The following HKDC1 variants were observed in gnomAD, a reference collection of about 807,000 sequenced individuals.
The protein encoded by HKDC1 is hexokinase domain containing 1.
In HKDC1, 66 loss-of-function variants were observed where a neutral mutation model predicts 96.6. The observed-to-expected ratio is 0.68, with a 90% CI of 0.56 to 0.84. The LOEUF is 0.84. Among genes scored for constraint, HKDC1 ranks in the 40% least tolerant of loss-of-function variants. HKDC1 has a pLI of 0.00. For synonymous variants in HKDC1, 466 were observed against 473.1 expected (o/e 0.98, Z 0.20); for missense variants, 1,211 against 1,208.1 (o/e 1.00, Z -0.04).
intron 2 of HKDC1, among the ~76,000 whole-genome samples, chr10:69,229,528 A>G (rs1014437528): frequency 6.6e-6 from 1 of 152,166 alleles, no homozygotes; most frequent in African/African-American, 2.4e-5. Context: ...TGTGGGGAGC[A>G]CCAGGGCTAA....
At position 69,267,273 on chromosome 10, in the gene HKDC1, A is replaced by G. The variant is rs4746832; in HGVS notation, c.*516A>G. ...AACTTGCCATGTTGACTTCAAACCTATTAAGAGAACAAAGACTTTGAAGTA... is the reference window on the plus strand; with the variant it reads ...AACTTGCCATGTTGACTTCAAACCTGTTAAGAGAACAAAGACTTTGAAGTA... On this transcript the variant is annotated 3_prime_UTR_variant, in exon 18 of 18. Transcript: ENST00000354624. 1 allele frequency: 327,515 copies of G among 328,832 alleles called. 163,121 individuals are homozygous for G. Among genetic ancestry groups the G allele is most frequent in the East Asian group, 1 (12,026 of 12,026 alleles). The allele number at this position is 328,832 out of a possible 1,614,324, so 20.4% of individuals were successfully genotyped here. A position where few individuals can be genotyped will look rare whatever the true frequency, so the allele number is the denominator to read the frequency against.
rs1182452681 is a variant in HKDC1, at chr10:69,267,012, C to T, written c.*255C>T. 4 of 343,320 alleles carry T rather than the reference C, an allele frequency of 1.2e-5. No homozygotes were observed. The highest frequency in any genetic ancestry group is 2.1e-5 in the Non-Finnish European group (4 of 188,920). The allele number at this position is 343,320 out of a possible 1,614,324, so 21.3% of individuals were successfully genotyped here. On this transcript the variant is annotated 3_prime_UTR_variant, in exon 18 of 18. Coordinates refer to ENST00000354624, the MANE Select transcript of HKDC1 (RefSeq NM_025130.4). ...TCAAAGTGTCTGTCCTGAGAGATCCCCTTTCAACACATTGTTCAGGTGAGG... is the reference window on the plus strand; with the variant it reads ...TCAAAGTGTCTGTCCTGAGAGATCCTCTTTCAACACATTGTTCAGGTGAGG...
Position 69,250,597 on chromosome 10 carries a change from C to G in HKDC1, c.1781C>G (p.Ser594Cys). 3 of 1,614,078 alleles carry G rather than the reference C, an allele frequency of 1.9e-6. No homozygotes were observed. The highest frequency in any genetic ancestry group is 2.5e-6 in the Non-Finnish European group (3 of 1,180,004). The change falls in exon 12 of 18, where the codon TCC becomes TGC. Residue 594 changes from serine (S) to cysteine (C), a missense_variant. Coordinates refer to ENST00000354624, the MANE Select transcript of HKDC1 (RefSeq NM_025130.4). ...FLDYMGLKGA[S>C]LPLGFTFSFP... ...GACTACATGGGCCTCAAGGGAGCCTCCCTACCTTTGGGCTTCACATTCTCA... is the reference window on the plus strand; with the variant it reads ...GACTACATGGGCCTCAAGGGAGCCTGCCTACCTTTGGGCTTCACATTCTCA...
chr10:69,242,045 G>A (rs1843462628), intron 6 of HKDC1, among the ~76,000 whole-genome samples: 1 of 152,220 alleles, frequency 6.6e-6, no homozygotes, highest in Non-Finnish European at 1.5e-5. Context: ...CTTATAGGTT[G>A]TTCTTGAATA....
At chr10:69,262,795 C>A (rs1589417781) in intron 16 of HKDC1, among the ~76,000 whole-genome samples, 1 of 152,136 alleles carries the variant, frequency 6.6e-6, no homozygotes, top group Non-Finnish European at 1.5e-5. Flanking sequence ...AGTCTTCAAC[C>A]CATCCAATCT....
Position 69,245,994 on chromosome 10 carries a change from C to T in HKDC1, c.876-85C>T, listed in dbSNP as rs115008841. Reference sequence around the variant, plus strand: ...TCAGCCCTCTCCCATGTGCTCCTTCCTGTGGGCAGTGGCTCCTGGTCTTCG... The same window carrying T: ...TCAGCCCTCTCCCATGTGCTCCTTCTTGTGGGCAGTGGCTCCTGGTCTTCG... On this transcript the variant is annotated intron_variant, in intron 7 of 17. Transcript: ENST00000354624. 456 of 1,531,140 alleles carry T rather than the reference C, an allele frequency of 3.0e-4. 1 individual carries two copies. The African/African-American group carries it at 5.8e-3, about 20-fold the overall frequency. 94.8% of individuals were successfully genotyped at this position (1,531,140 alleles called of 1,614,324 possible).
At position 69,226,568 on chromosome 10, in the gene HKDC1, T is replaced by C. The variant is rs866684347; in HGVS notation, c.64-639T>C. The stretch of plus-strand genomic sequence containing the variant: ...TACTCAGAAGGCTGAGGCAGGAGGA[T>C]GGCTTGAACCTGGGAGGTGGAGGCT... On this transcript the variant is annotated intron_variant, in intron 1 of 17. Coordinates refer to ENST00000354624, the MANE Select transcript of HKDC1 (RefSeq NM_025130.4). 3.3e-5 allele frequency among the ~76,000 whole-genome samples: 5 copies of C among 151,924 alleles called. No homozygotes were observed. In the Middle Eastern group the frequency reaches 0.01, roughly 310 times the overall value.
Position 69,256,283 on chromosome 10 carries a change from G to A in HKDC1, c.1837-753G>A, listed in dbSNP as rs1843716162. 2.0e-5 allele frequency among the ~76,000 whole-genome samples: 3 copies of A among 152,182 alleles called. No individual in the cohort carries two copies. In the South Asian group the frequency reaches 6.2e-4, roughly 32 times the overall value. On this transcript the variant is annotated intron_variant, in intron 12 of 17. Transcript: ENST00000354624. ...GGGTGTATATCATGTCCCATATCGA[G>A]GTACAGGATGATAGATCCATACTGT...
chr10:69,242,226 GGC>G (rs565306206), intron 6 of HKDC1, among the ~76,000 whole-genome samples: 2 of 152,302 alleles, frequency 1.3e-5, no homozygotes, highest in East Asian at 3.9e-4. Flanking sequence ...GAATGGTTCA[GGC>G]CCTTGCCAGT....
chr10:69,227,077 T>C, intron 1 of HKDC1, 130 bp from the exon 2 acceptor site: 1 of 1,008,076 alleles, frequency 9.9e-7, no homozygotes, highest in Non-Finnish European at 1.5e-6. Flanking sequence ...AGGGAGGCTT[T>C]GGGAATCCAC....
intron 15 of HKDC1, among the ~76,000 whole-genome samples, chr10:69,259,261 T>C (rs1403717926): frequency 6.6e-6 from 1 of 152,194 alleles, no homozygotes; most frequent in Non-Finnish European, 1.5e-5. Flanking sequence ...CTTCTTGAGA[T>C]GGGCTTTTAA....
intron 5 of HKDC1, among the ~76,000 whole-genome samples, chr10:69,239,784 T>TA (rs1843426967): frequency 2.0e-5 from 3 of 150,840 alleles, no homozygotes; most frequent in Admixed American, 2.0e-4. Context: ...TTTTTTTTTT[T>TA]AGAGATGAGG....
chr10:69,222,705 G>A (rs7089277), intron 1 of HKDC1, among the ~76,000 whole-genome samples: 1 of 152,160 alleles, frequency 6.6e-6, no homozygotes, highest in African/African-American at 2.4e-5. Flanking sequence ...TTTCAATGCC[G>A]GGAGCTGACC....
rs1036595563 is a variant in HKDC1 at position 69,257,350 on chromosome 10, A to G, written c.1956A>G (p.Ala652=). Residue 652 remains alanine, a synonymous_variant, in exon 14 of 18, where the codon GCA becomes GCG. Transcript: ENST00000354624. ...RRNEFDLDIV[A]VVNDTVGTMM... is the part of the protein sequence containing the mutation. The stretch of plus-strand genomic sequence containing the variant: ...AGGAGTTTGACCTGGACATTGTTGC[A>G]GTCGTGAATGATACAGTGGGGACCA... The G allele has an allele frequency of 6.2e-7, 1 of 1,613,856 alleles. No homozygotes were observed. The highest frequency in any genetic ancestry group is 8.5e-7 in the Non-Finnish European group (1 of 1,179,812).
intron 5 of HKDC1, 106 bp from the exon 6 acceptor site, chr10:69,240,546 G>A: frequency 1.2e-6 from 1 of 839,426 alleles, no homozygotes; most frequent in East Asian, 2.5e-5. Context: ...GCAGGATCTA[G>A]GGATGTCTCA....
chr10:69,227,104 C>G, intron 1 of HKDC1, 103 bp from the exon 2 acceptor site: 1 of 1,304,708 alleles, frequency 7.7e-7, no homozygotes, highest in Non-Finnish European at 1.1e-6. Flanking sequence ...ATGCTGTCCC[C>G]AGAGTCAGGA....
chr10:69,233,626 C>T lies in HKDC1; in HGVS notation c.495+493C>T, dbSNP rs536327549. ...AATGGGGGCACTGGAGGACCAGGCG[C>T]GGTGGCTCACGCCTATAATCCCAGC... On this transcript the variant is annotated intron_variant, in intron 4 of 17. Coordinates refer to ENST00000354624, the MANE Select transcript of HKDC1 (RefSeq NM_025130.4). 1.2e-4 allele frequency among the ~76,000 whole-genome samples: 18 copies of T among 149,146 alleles called. No homozygotes were observed. The East Asian group carries it at 2.8e-3, about 24-fold the overall frequency.
At chr10:69,244,865 C>T (rs545747389) in intron 7 of HKDC1, among the ~76,000 whole-genome samples, 2 of 152,084 alleles carry the variant, frequency 1.3e-5, no homozygotes, top group African/African-American at 4.8e-5. Context: ...GACATCCACC[C>T]TAAATTTCTT....
At chr10:69,230,287 G>A (rs1843232676) in intron 2 of HKDC1, among the ~76,000 whole-genome samples, 1 of 152,196 alleles carries the variant, frequency 6.6e-6, no homozygotes, top group African/African-American at 2.4e-5. Context: ...TCTGTTCCAG[G>A]CCTTAGCCTC....
Sources: gnomAD v4.1 joint callset for allele counts (sites outside exome capture counted in the v4.1 genomes callset) on GRCh38, gnomAD v4.1.1 for gene constraint, MANE v1.5 for transcripts, NCBI Gene and HGNC (gene_info 2026-07-23, HGNC 2026-07-21) for gene names.